MBOAT1: variants seen among roughly 807,000 people sequenced by gnomAD.
The protein encoded by MBOAT1 is membrane-bound glycerophospholipid O-acyltransferase 1.
A neutral mutation model predicts 64.4 loss-of-function variants in MBOAT1; 67 were observed. The ratio of observed to expected loss-of-function variants is 1.04; its 90% CI spans 0.85 to 1.27. The LOEUF is 1.27. MBOAT1 is among the 50% of genes most tolerant of loss of function. The pLI is 0.00. For missense variants in MBOAT1, 563 were observed against 604.6 expected, an observed-to-expected ratio of 0.93 and a Z score of 0.72; for synonymous variants, 229 against 218.9, an observed-to-expected ratio of 1.05 and a Z score of -0.41.
chr6:20,209,937 A>G (rs1472605682), intron 1 of MBOAT1, among the ~76,000 whole-genome samples: 1 of 152,188 alleles, frequency 6.6e-6, no homozygotes, highest in African/African-American at 2.4e-5. Flanking sequence ...GCTCTCACAA[A>G]TGGCAATGAA....
chr6:20,168,645 G>A (rs868291267), intron 1 of MBOAT1, among the ~76,000 whole-genome samples: 105 of 88,930 alleles, frequency 1.2e-3, no homozygotes, highest in African/African-American at 1.8e-3. Context: ...AGAGAAGAGA[G>A]GAGAGGAGAG....
Position 20,101,808 on chromosome 6 carries a change from CA to C in MBOAT1, c.*477del, listed in dbSNP as rs1759794994. On this transcript the variant is annotated 3_prime_UTR_variant, in exon 13 of 13. Coordinates refer to ENST00000324607, the MANE Select transcript of MBOAT1 (RefSeq NM_001080480.3). ...CCTGGACATGGCCGATTAATCTGTA[CA>C]AAAAGGCTTTATAAAAATACTCCCG... Among the ~76,000 whole-genome samples the C allele has an allele frequency of 6.6e-6, 1 of 152,156 alleles. No individual in the cohort carries two copies. Among genetic ancestry groups the C allele is most frequent in the Admixed American group, 6.5e-5 (1 of 15,286 alleles).
chr6:20,153,515 T>A (rs1015730044), intron 1 of MBOAT1, among the ~76,000 whole-genome samples: 1 of 152,248 alleles, frequency 6.6e-6, no homozygotes, highest in Non-Finnish European at 1.5e-5. Flanking sequence ...GATCACCAGT[T>A]GTTTTTTGAC....
chr6:20,117,761 A>G (rs2113640238), intron 9 of MBOAT1, among the ~76,000 whole-genome samples: 1 of 152,364 alleles, frequency 6.6e-6, no homozygotes, highest in East Asian at 1.9e-4. Flanking sequence ...ACGCTTCTGC[A>G]TGTTGAGAAT....
rs554097790 is a variant in MBOAT1, at chr6:20,172,717, A to C, written c.100-19948T>G. 2.1e-5 allele frequency among the ~76,000 whole-genome samples: 3 copies of C among 143,488 alleles called. No individual in the cohort carries two copies. In the East Asian group the frequency reaches 6.2e-4, roughly 30 times the overall value. The allele number at this position is 143,488 out of a possible 152,430, so 94.1% of individuals were successfully genotyped here. A position where few individuals can be genotyped will look rare whatever the true frequency, so the allele number is the denominator to read the frequency against. On this transcript the variant is annotated intron_variant, in intron 1 of 12. Transcript: ENST00000324607. ...AAATAAATATAAAATATGTATATGC[A>C]AATATAACACTGATCTACACAGACC...
chr6:20,174,148 G>A (rs1214268669), intron 1 of MBOAT1, among the ~76,000 whole-genome samples: 1 of 152,190 alleles, frequency 6.6e-6, no homozygotes, highest in Non-Finnish European at 1.5e-5. Context: ...AATTGAATGT[G>A]AGGGTCTCAT....
At chr6:20,164,782 T>C (rs996332738) in intron 1 of MBOAT1, among the ~76,000 whole-genome samples, 2 of 152,208 alleles carry the variant, frequency 1.3e-5, no homozygotes, top group African/African-American at 2.4e-5. Context: ...GACTTATTTA[T>C]GATGGTTCGA....
intron 1 of MBOAT1, among the ~76,000 whole-genome samples, chr6:20,195,854 G>C (rs1762941050): frequency 6.6e-6 from 1 of 152,130 alleles, no homozygotes; most frequent in African/African-American, 2.4e-5. Context: ...TTTTTCCCTG[G>C]GGTATATACC....
intron 3 of MBOAT1, among the ~76,000 whole-genome samples, chr6:20,144,972 G>T (rs1561761467): frequency 6.6e-6 from 1 of 152,066 alleles, no homozygotes; most frequent in Non-Finnish European, 1.5e-5. Context: ...ATGTGTTCCT[G>T]ACTGCCTTAT....
At chr6:20,135,312 T>C (rs1760954824) in intron 4 of MBOAT1, among the ~76,000 whole-genome samples, 1 of 151,846 alleles carries the variant, frequency 6.6e-6, no homozygotes, top group African/African-American at 2.4e-5. Flanking sequence ...ATAGGAAAAA[T>C]TAAGAGAAAA....
chr6:20,179,825 G>GT (rs1198633910), intron 1 of MBOAT1, among the ~76,000 whole-genome samples: 1 of 152,116 alleles, frequency 6.6e-6, no homozygotes, highest in Non-Finnish European at 1.5e-5. Context: ...AGCATCTGTT[G>GT]TTTTTTAACT....
intron 1 of MBOAT1, among the ~76,000 whole-genome samples, chr6:20,198,062 C>A (rs1332183770): frequency 6.6e-6 from 1 of 151,830 alleles, no homozygotes; most frequent in African/African-American, 2.4e-5. Context: ...CCCATTTCTA[C>A]TAAAAATACA....
chr6:20,186,102 G>A (rs929308729), intron 1 of MBOAT1, among the ~76,000 whole-genome samples: 8 of 152,162 alleles, frequency 5.3e-5, no homozygotes, highest in African/African-American at 1.9e-4. Context: ...ATGATCGCTT[G>A]AGCCTAGGAG....
intron 12 of MBOAT1, 68 bp downstream of exon 12, chr6:20,109,530 C>T: frequency 6.4e-7 from 1 of 1,551,972 alleles, no homozygotes; most frequent in East Asian, 2.3e-5. Context: ...AATTTACTGC[C>T]TCCTAAGTCA....
intron 1 of MBOAT1, among the ~76,000 whole-genome samples, chr6:20,184,054 G>T (rs1375146672): frequency 6.6e-6 from 1 of 152,184 alleles, no homozygotes; most frequent in Non-Finnish European, 1.5e-5. Flanking sequence ...ATAACACGTG[G>T]GAATTCTGGG....
intron 1 of MBOAT1, among the ~76,000 whole-genome samples, chr6:20,206,978 C>T (rs1057513747): frequency 2.0e-5 from 3 of 152,234 alleles, no homozygotes; most frequent in Non-Finnish European, 2.9e-5. Context: ...CCACCACCAA[C>T]TACTTGTCAG....
chr6:20,121,650 C>A (rs187297705), intron 8 of MBOAT1, among the ~76,000 whole-genome samples: 14 of 152,302 alleles, frequency 9.2e-5, no homozygotes, highest in African/African-American at 3.1e-4. Flanking sequence ...AATGGCCTTT[C>A]TTTCCTCCTG....
intron 4 of MBOAT1, 99 bp downstream of exon 4, chr6:20,144,121 G>A: frequency 1.3e-6 from 1 of 752,172 alleles, no homozygotes; most frequent in South Asian, 1.7e-5. Context: ...ATTTAACCAA[G>A]CACCAACGAT....
chr6:20,144,901 C>T (rs1175038155), intron 3 of MBOAT1, among the ~76,000 whole-genome samples: 1 of 152,154 alleles, frequency 6.6e-6, no homozygotes, highest in East Asian at 1.9e-4. Context: ...GGACCCTGCC[C>T]TTCCATGCCT....
Sources: allele counts gnomAD v4.1 joint callset (sites outside exome capture counted in the v4.1 genomes callset), GRCh38; gene constraint gnomAD v4.1.1; transcripts MANE v1.5; gene names NCBI Gene and HGNC (gene_info 2026-07-23, HGNC 2026-07-21).